The following MCM9 variants were observed in gnomAD, a reference collection of about 807,000 sequenced individuals.
MCM9 encodes minichromosome maintenance 9 homologous recombination repair factor.
MCM9 carries 55 observed loss-of-function variants against 72.8 expected under a neutral mutation model. The ratio of observed to expected loss-of-function variants is 0.76; its 90% CI spans 0.61 to 0.95. MCM9 has a LOEUF of 0.95. MCM9 is among the 40% of genes least tolerant of loss of function. MCM9 has a pLI of 0.00. For synonymous variants in MCM9, 480 were observed against 503.4 expected (o/e 0.95, Z 0.62); for missense variants, 1,279 against 1,377.0 (o/e 0.93, Z 1.13).
At chr6:118,835,214 G>T (rs956355711) in intron 9 of MCM9, among the ~76,000 whole-genome samples, 2 of 152,074 alleles carry the variant, frequency 1.3e-5, no homozygotes, top group East Asian at 3.9e-4. Flanking sequence ...CTATATATCT[G>T]TTTTTGGTAC....
intron 13 of MCM9, among the ~76,000 whole-genome samples, chr6:118,822,197 G>C (rs1215851183): frequency 6.6e-6 from 1 of 152,146 alleles, no homozygotes; most frequent in African/African-American, 2.4e-5. Flanking sequence ...ATTTGAAGAG[G>C]CATTCTGGTT....
intron 8 of MCM9, among the ~76,000 whole-genome samples, chr6:118,874,576 G>C (rs1220019435): frequency 6.6e-6 from 1 of 152,128 alleles, no homozygotes; most frequent in East Asian, 1.9e-4. Flanking sequence ...TGTACTCCAA[G>C]TCTTAGCTAA....
At chr6:118,905,751 G>A in intron 8 of MCM9, 1 of 1,613,528 alleles carries the variant, frequency 6.2e-7, no homozygotes, top group Non-Finnish European at 8.5e-7. Flanking sequence ...ATTTATTAGA[G>A]TTGGCTATTA....
At chr6:118,847,949 CA>C (rs1255687175) in intron 9 of MCM9, among the ~76,000 whole-genome samples, 1 of 151,798 alleles carries the variant, frequency 6.6e-6, no homozygotes, top group Non-Finnish European at 1.5e-5. Flanking sequence ...TATATCCAGC[CA>C]AGCTATCTTT....
chr6:118,923,029 C>CAAAA (rs780562520), intron 4 of MCM9, among the ~76,000 whole-genome samples: 30 of 43,472 alleles, frequency 6.9e-4, no homozygotes, highest in Non-Finnish European at 8.2e-4. Flanking sequence ...AACTCCATCT[C>CAAAA]AAAAAAAAAA....
chr6:118,898,425 ATTTTTTTT>A (rs34394511), intron 8 of MCM9, among the ~76,000 whole-genome samples: 1 of 140,524 alleles, frequency 7.1e-6, no homozygotes, highest in African/African-American at 2.7e-5. Context: ...TTATGTAATA[ATTTTTTTT>A]TTTTTTTTTT....
At chr6:118,892,344 G>T (rs1452877052) in intron 8 of MCM9, among the ~76,000 whole-genome samples, 2 of 152,204 alleles carry the variant, frequency 1.3e-5, no homozygotes, top group Non-Finnish European at 2.9e-5. Flanking sequence ...GTGGCATTCA[G>T]GTAGATCTTC....
At chr6:118,911,371 T>TG in intron 8 of MCM9, 1 of 1,129,662 alleles carries the variant, frequency 8.9e-7, no homozygotes, top group Non-Finnish European at 1.1e-6. Flanking sequence ...AAATGCCAGA[T>TG]GATACGGACT....
In MCM9 at chr6:118,923,730, G is replaced by T. The variant is rs1781628216; in HGVS notation, c.621+81C>A. On this transcript the variant is annotated intron_variant, in intron 4 of 13. Coordinates refer to ENST00000619706, the MANE Select transcript of MCM9 (RefSeq NM_017696.3). ...ACACAAGTACATTTGTATCCATTCT[G>T]TGTTCCCTAATCCTCCCAATGTGCC... 6 of 1,209,696 alleles carry T rather than the reference G, an allele frequency of 5.0e-6. No homozygotes were observed. In the South Asian group the frequency reaches 7.1e-5, roughly 14 times the overall value. The allele number at this position is 1,209,696 out of a possible 1,614,324, so 74.9% of individuals were successfully genotyped here.
At chr6:118,829,024 A>C in intron 10 of MCM9, 24 bp downstream of exon 10, 1 of 1,545,002 alleles carries the variant, frequency 6.5e-7, no homozygotes, top group Non-Finnish European at 8.8e-7. Context: ...TGTTATTTTG[A>C]ATGCTTTGTT....
chr6:118,931,375 T>A (rs748949077), intron 3 of MCM9, 45 bp downstream of exon 3: 156 of 1,486,780 alleles, frequency 1.0e-4, no homozygotes, highest in Non-Finnish European at 1.4e-4. Flanking sequence ...TTTCTCAAAA[T>A]CTTTCTAGAA....
At chr6:118,921,821 G>A (rs1781454878) in intron 5 of MCM9, 184 bp downstream of exon 5, 1 of 505,562 alleles carries the variant, frequency 2.0e-6, no homozygotes, top group Non-Finnish European at 3.5e-6. Context: ...AGCTGCTGTT[G>A]TATAGATCTA....
intron 9 of MCM9, among the ~76,000 whole-genome samples, chr6:118,854,701 G>A (rs1776447723): frequency 1.3e-5 from 2 of 152,176 alleles, no homozygotes; most frequent in Admixed American, 1.3e-4. Flanking sequence ...GAAACTTCTA[G>A]TTTGCTGAGA....
chr6:118,895,751 A>C (rs1779352554), intron 8 of MCM9, among the ~76,000 whole-genome samples: 1 of 152,184 alleles, frequency 6.6e-6, no homozygotes, highest in Admixed American at 6.5e-5. Flanking sequence ...AAATAGTTTA[A>C]CTTCATCGAT....
rs755141674 is a variant in MCM9, at chr6:118,931,442, C to G, written c.282G>C (p.Gln94His). The stretch of plus-strand genomic sequence containing the variant: ...TACCTGATATCCTGGCATGAAGATT[C>G]TGTTTCATGGAAACAGCCTCAGGCT... ...LSQPEAVSMK[Q>H]NLHARISGLP... Residue 94 changes from glutamine (Q) to histidine (H), a missense_variant, in exon 3 of 14, where the codon CAG becomes CAC. By Grantham distance (24) the Gln-to-His change is conservative. Coordinates refer to ENST00000619706, the MANE Select transcript of MCM9 (RefSeq NM_017696.3). 21 of 1,611,230 alleles carry G rather than the reference C, an allele frequency of 1.3e-5. No homozygotes were observed. The highest frequency in any genetic ancestry group is 1.8e-5 in the Non-Finnish European group (21 of 1,177,616).
At chr6:118,894,544 C>T in intron 8 of MCM9, 5 of 1,525,798 alleles carry the variant, frequency 3.3e-6, no homozygotes, top group Non-Finnish European at 4.4e-6. Flanking sequence ...GCCCGTGCGC[C>T]CGGGCTGTCA....
chr6:118,875,595 C>T (rs1777882722), intron 8 of MCM9, among the ~76,000 whole-genome samples: 1 of 151,820 alleles, frequency 6.6e-6, no homozygotes, highest in Admixed American at 6.6e-5. Flanking sequence ...ATGTTCATAC[C>T]ACTGCACTCC....
chr6:118,900,984 C>G, intron 8 of MCM9: 1 of 772,468 alleles, frequency 1.3e-6, no homozygotes, highest in Non-Finnish European at 2.2e-6. Context: ...GGTTAAAGAA[C>G]TGCTTCTGCT....
chr6:118,888,803 G>C (rs1451127796), intron 8 of MCM9, among the ~76,000 whole-genome samples: 1 of 152,082 alleles, frequency 6.6e-6, no homozygotes, highest in Non-Finnish European at 1.5e-5. Flanking sequence ...AAAACATTAT[G>C]CTTCAAAGAT....
Sources: allele counts gnomAD v4.1 joint callset (sites outside exome capture counted in the v4.1 genomes callset), GRCh38; gene constraint gnomAD v4.1.1; transcripts MANE v1.5; gene names NCBI Gene and HGNC (gene_info 2026-07-23, HGNC 2026-07-21).